Variants in PLCH1 observed in about 807,000 individuals in gnomAD.
PLCH1 encodes 1-phosphatidylinositol 4,5-bisphosphate phosphodiesterase eta-1.
PLCH1 carries 60 observed loss-of-function variants against 126.7 expected under a neutral mutation model. The observed-to-expected ratio is 0.47, with a 90% confidence interval of 0.38 to 0.59. The LOEUF is 0.59. Among genes scored for constraint, PLCH1 ranks in the 20% least tolerant of loss-of-function variants. The pLI is 0.00. For synonymous variants in PLCH1, 719 were observed against 734.9 expected (o/e 0.98, Z 0.35); for missense variants, 1,723 against 2,040.0 (o/e 0.84, Z 2.99).
rs190333360 is a variant in PLCH1, at chr3:155,547,599, A to C, written c.1362+2188T>G. Among the ~76,000 whole-genome samples, 583 of 152,290 alleles carry C rather than the reference A, an allele frequency of 3.8e-3. 5 individuals are homozygous for C. The highest frequency in any genetic ancestry group is 0.02 in the Admixed American group (311 of 15,280). On this transcript the variant is annotated intron_variant, in intron 10 of 22. Transcript: ENST00000460012. ...TAAAGACACATGCACATGTATGTTT[A>C]CTGTGGCATTATTCACAATAGCAAA...
intron 2 of PLCH1, among the ~76,000 whole-genome samples, chr3:155,653,833 A>T (rs558607090): frequency 1.3e-5 from 2 of 152,208 alleles, no homozygotes; most frequent in African/African-American, 4.8e-5. Flanking sequence ...TCTCTGCTGG[A>T]TTATTCATAA....
intron 10 of PLCH1, among the ~76,000 whole-genome samples, chr3:155,533,654 T>C (rs762578788): frequency 3.3e-5 from 5 of 152,002 alleles, no homozygotes; most frequent in Non-Finnish European, 5.9e-5. Flanking sequence ...ACCAAGACAA[T>C]GGGGAAAATG....
At chr3:155,664,970 C>A (rs1742566927) in intron 2 of PLCH1, among the ~76,000 whole-genome samples, 2 of 152,182 alleles carry the variant, frequency 1.3e-5, no homozygotes, top group African/African-American at 4.8e-5. Flanking sequence ...CCAGTGCACA[C>A]AGACCGACTG....
intron 2 of PLCH1, among the ~76,000 whole-genome samples, chr3:155,623,168 C>T (rs1381235515): frequency 6.6e-6 from 1 of 150,400 alleles, no homozygotes; most frequent in Non-Finnish European, 1.5e-5. Flanking sequence ...GGGTAAATAA[C>T]AAAATTAAGG....
intron 10 of PLCH1, among the ~76,000 whole-genome samples, chr3:155,535,916 C>G (rs116522043): frequency 0.017 from 2,620 of 152,316 alleles, 37 homozygotes; most frequent in Non-Finnish European, 0.025. Flanking sequence ...AGGACCCTCA[C>G]AGAGTCTACT....
At chr3:155,461,242 C>G (rs1416245287) in intron 21 of PLCH1, among the ~76,000 whole-genome samples, 4 of 152,136 alleles carry the variant, frequency 2.6e-5, no homozygotes, top group African/African-American at 9.7e-5. Flanking sequence ...TGATAAGATA[C>G]AGACATATCA....
chr3:155,498,955 G>A (rs1717486390), intron 14 of PLCH1, among the ~76,000 whole-genome samples: 1 of 152,052 alleles, frequency 6.6e-6, no homozygotes, highest in South Asian at 2.1e-4. Context: ...CTAAACTTTA[G>A]TGTTCAATTA....
In PLCH1 at chr3:155,589,862, C is replaced by A. The variant is rs116808750; in HGVS notation, c.471-3668G>T. On this transcript the variant is annotated intron_variant, in intron 4 of 22. Coordinates refer to ENST00000460012, the MANE Select transcript of PLCH1 (RefSeq NM_014996.4). The stretch of plus-strand genomic sequence containing the variant: ...TGTTCTAAGGACTATATATAATCAA[C>A]TGATCTTAACACACCTCTATATGGC... 5.0e-3 allele frequency among the ~76,000 whole-genome samples: 769 copies of A among 152,338 alleles called. 8 individuals are homozygous for A. Among genetic ancestry groups the A allele is most frequent in the African/African-American group, 0.018 (733 of 41,586 alleles).
chr3:155,705,901 C>T (rs559940932), intron 1 of PLCH1, among the ~76,000 whole-genome samples: 5 of 152,204 alleles, frequency 3.3e-5, no homozygotes, highest in Admixed American at 6.5e-5. Flanking sequence ...CTGGGCTGCG[C>T]GCAGTGGCTC....
chr3:155,461,374 A>G (rs1408122344), intron 21 of PLCH1, among the ~76,000 whole-genome samples: 1 of 152,202 alleles, frequency 6.6e-6, no homozygotes, highest in Non-Finnish European at 1.5e-5. Context: ...GAGCATGACT[A>G]TGGTCCACCA....
At chr3:155,714,808 G>C (rs1017322850) in intron 1 of PLCH1, among the ~76,000 whole-genome samples, 2 of 152,156 alleles carry the variant, frequency 1.3e-5, no homozygotes, top group African/African-American at 4.8e-5. Context: ...CATGTTTTAT[G>C]ATTTTTACAT....
chr3:155,525,272 C>A (rs914761333), intron 10 of PLCH1, among the ~76,000 whole-genome samples: 2 of 152,114 alleles, frequency 1.3e-5, no homozygotes, highest in African/African-American at 4.8e-5. Context: ...TGTATTAGAA[C>A]CTAATACCTC....
chr3:155,478,302 A>G (rs1274306702), downstream of PLCH1, among the ~76,000 whole-genome samples: 2 of 152,196 alleles, frequency 1.3e-5, no homozygotes, highest in African/African-American at 4.8e-5. Context: ...TACAAAAAAA[A>G]TAGAAAGAAT....
At chr3:155,555,658 T>C (rs1463763173) in intron 8 of PLCH1, among the ~76,000 whole-genome samples, 1 of 152,206 alleles carries the variant, frequency 6.6e-6, no homozygotes, top group Non-Finnish European at 1.5e-5. Flanking sequence ...CTCACAGGCT[T>C]GTTCTTCTGG....
At chr3:155,612,200 G>T (rs1735191608) in intron 2 of PLCH1, among the ~76,000 whole-genome samples, 1 of 151,842 alleles carries the variant, frequency 6.6e-6, no homozygotes, top group South Asian at 2.1e-4. Flanking sequence ...ATAGTGGCAG[G>T]TGCCTGTAAT....
downstream of PLCH1, among the ~76,000 whole-genome samples, chr3:155,476,337 T>C (rs1713545496): frequency 6.6e-6 from 1 of 152,084 alleles, no homozygotes; most frequent in Non-Finnish European, 1.5e-5. Context: ...GCTAGTATCA[T>C]ATTGAATGGG....
intron 4 of PLCH1, among the ~76,000 whole-genome samples, chr3:155,586,920 C>T (rs957333180): frequency 2.6e-5 from 4 of 152,346 alleles, no homozygotes; most frequent in South Asian, 2.1e-4. Context: ...CTAAAAGCTA[C>T]ATTACTGGTT....
intron 2 of PLCH1, among the ~76,000 whole-genome samples, chr3:155,629,018 A>T (rs1259008886): frequency 6.6e-6 from 1 of 152,216 alleles, no homozygotes. Context: ...TCCTGGAGTC[A>T]CTTCTCAGTC....
chr3:155,734,989 G>A (rs986760054), intron 1 of PLCH1, among the ~76,000 whole-genome samples: 2 of 152,050 alleles, frequency 1.3e-5, no homozygotes, highest in African/African-American at 2.4e-5. Flanking sequence ...GATTACAGGC[G>A]TGAGCCACCG....
Sources: gnomAD v4.1 joint callset for allele counts (sites outside exome capture counted in the v4.1 genomes callset) on GRCh38, gnomAD v4.1.1 for gene constraint, MANE v1.5 for transcripts, NCBI Gene and HGNC (gene_info 2026-07-23, HGNC 2026-07-21) for gene names.